WDR48: variants seen among roughly 807,000 people sequenced by gnomAD.
WDR48 encodes the protein WD repeat domain 48.
A neutral mutation model predicts 94.0 loss-of-function variants in WDR48; 22 were observed. The observed-to-expected ratio is 0.23, with a 90% CI of 0.17 to 0.33. The LOEUF is 0.33. WDR48 is among the 10% of genes least tolerant of loss of function. WDR48 has a pLI of 1.00. For synonymous variants in WDR48, 278 were observed against 280.5 expected (o/e 0.99, Z 0.09); for missense variants, 541 against 813.8 (o/e 0.66, Z 4.08).
intron 8 of WDR48, among the ~76,000 whole-genome samples, 189 bp from the exon 9 acceptor site, chr3:39,076,950 G>C (rs1191079302): frequency 1.3e-5 from 2 of 152,020 alleles, no homozygotes; most frequent in Non-Finnish European, 2.9e-5. Context: ...CACTTTTATA[G>C]GGCTATGAAT....
intron 1 of WDR48, chr3:39,052,360 G>A (rs981478800): frequency 2.7e-5 from 11 of 407,924 alleles, no homozygotes; most frequent in Non-Finnish European, 4.5e-5. Context: ...GCGGGGTCGG[G>A]ATAGGCTCGT....
intron 10 of WDR48, among the ~76,000 whole-genome samples, chr3:39,079,369 A>G (rs1449595455): frequency 6.6e-6 from 1 of 152,252 alleles, no homozygotes; most frequent in African/African-American, 2.4e-5. Flanking sequence ...AAATGAGACT[A>G]ATACAGAGAC....
chr3:39,068,881 TATTTA>T lies in WDR48; in HGVS notation c.570+24_570+28del, dbSNP rs1559606627. 3 of 1,518,666 alleles carry T rather than the reference TATTTA, an allele frequency of 2.0e-6. No homozygotes were observed. The South Asian group carries it at 3.9e-5, about 20-fold the overall frequency. The allele number at this position is 1,518,666 out of a possible 1,614,324, so 94.1% of individuals were successfully genotyped here. ...AAAGGTAAGGAGGAGCTTATTTCTT[TATTTA>T]AAAAAAAAAATTATTTTTCACATAC... On this transcript the variant is annotated intron_variant, in intron 6 of 18. Coordinates refer to ENST00000302313, the MANE Select transcript of WDR48 (RefSeq NM_020839.4).
chr3:39,081,404 A>G (rs568537040), intron 11 of WDR48, among the ~76,000 whole-genome samples: 1 of 152,320 alleles, frequency 6.6e-6, no homozygotes, highest in South Asian at 2.1e-4. Context: ...TTTGGTGAGC[A>G]TTGCTTCAGA....
chr3:39,090,654 T>A (rs182478809), intron 16 of WDR48: 2 of 152,324 alleles, frequency 1.3e-5, no homozygotes, highest in East Asian at 3.9e-4. Context: ...TTATTGAAAA[T>A]CTGTCCTTTT....
chr3:39,083,940 C>T lies in WDR48; in HGVS notation c.1174-215C>T, dbSNP rs142716210. Among the ~76,000 whole-genome samples the T allele has an allele frequency of 8.8e-4, 134 of 152,312 alleles. 1 individual carries two copies. Among genetic ancestry groups the T allele is most frequent in the African/African-American group, 3.2e-3 (132 of 41,576 alleles). On this transcript the variant is annotated intron_variant, in intron 11 of 18. Transcript: ENST00000302313. ...ATATCAATATCAGCACAATTAAATA[C>T]AGTTTCTTCCCAAATACTATTTTGT... is the stretch of plus-strand genomic sequence containing the variant.
intron 1 of WDR48, among the ~76,000 whole-genome samples, chr3:39,053,391 G>T (rs188901144): frequency 6.6e-6 from 1 of 152,334 alleles, no homozygotes; most frequent in African/African-American, 2.4e-5. Context: ...TGATCTCACT[G>T]ATCAGTACAG....
intron 1 of WDR48, among the ~76,000 whole-genome samples, chr3:39,056,041 A>T (rs1258898107): frequency 6.6e-6 from 1 of 152,178 alleles, no homozygotes; most frequent in African/African-American, 2.4e-5. Context: ...GACATTTTAA[A>T]TTTTTTCTCT....
intron 8 of WDR48, among the ~76,000 whole-genome samples, chr3:39,075,869 T>G (rs2034198191): frequency 6.6e-6 from 1 of 152,026 alleles, no homozygotes; most frequent in South Asian, 2.1e-4. Flanking sequence ...AATTTTTTTT[T>G]GTTTTTTTAG....
At chr3:39,069,441 T>A (rs2033801984) in intron 6 of WDR48, among the ~76,000 whole-genome samples, 1 of 152,204 alleles carries the variant, frequency 6.6e-6, no homozygotes, top group South Asian at 2.1e-4. Flanking sequence ...GTGTGTATAG[T>A]GACAAGATAA....
chr3:39,093,166 G>A (rs1393092370), intron 17 of WDR48, among the ~76,000 whole-genome samples: 1 of 152,160 alleles, frequency 6.6e-6, no homozygotes, highest in Non-Finnish European at 1.5e-5. Context: ...TCTAGACTCA[G>A]GCATTGTCTG....
chr3:39,095,006 AGACT>A lies in WDR48; in HGVS notation c.*267_*270del. The stretch of plus-strand genomic sequence containing the variant: ...GACTATGTCTTTCAAGATGTACAGA[AGACT>A]GACAACAGGCCAGTGCAGACTTTGC... On this transcript the variant is annotated 3_prime_UTR_variant, in exon 19 of 19. Coordinates refer to ENST00000302313, the MANE Select transcript of WDR48 (RefSeq NM_020839.4). The A allele has an allele frequency of 2.0e-6, 1 of 508,068 alleles. No individual in the cohort carries two copies. The highest frequency in any genetic ancestry group is 2.9e-5 in the South Asian group (1 of 34,890). 31.5% of individuals were successfully genotyped at this position (508,068 alleles called of 1,614,324 possible). A position where few individuals can be genotyped will look rare whatever the true frequency, so the allele number is the denominator to read the frequency against.
At chr3:39,062,942 A>G (rs564751796) in intron 1 of WDR48, 108 bp from the exon 2 acceptor site, 6 of 1,390,400 alleles carry the variant, frequency 4.3e-6, no homozygotes, top group East Asian at 2.3e-5. Context: ...GAAAAAGTAC[A>G]TATTGGAAAA....
intron 11 of WDR48, among the ~76,000 whole-genome samples, chr3:39,083,335 ATT>A (rs1338521338): frequency 6.6e-6 from 1 of 152,104 alleles, no homozygotes; most frequent in African/African-American, 2.4e-5. Flanking sequence ...TTGTTTGGAT[ATT>A]TGGGTATTTT....
intron 18 of WDR48, chr3:39,094,419 G>T (rs2035236602): frequency 2.0e-6 from 3 of 1,523,994 alleles, no homozygotes; most frequent in Non-Finnish European, 2.6e-6. Flanking sequence ...TATCCTCAGA[G>T]GAATGGCTGA....
In WDR48 at chr3:39,088,510, C is replaced by T. The variant is rs183752451; in HGVS notation, c.1580+277C>T. Among the ~76,000 whole-genome samples, 332 of 152,288 alleles carry T rather than the reference C, an allele frequency of 2.2e-3. 2 individuals are homozygous for T. Among genetic ancestry groups the T allele is most frequent in the Non-Finnish European group, 3.3e-3 (225 of 68,024 alleles). On this transcript the variant is annotated intron_variant, in intron 15 of 18. Transcript: ENST00000302313. Reference sequence around the variant, plus strand: ...GTTTCTGTAGGTAATTCTCACTTTCCTTCACTTTGCCCGTGTGACTGCAAG... The same window carrying T: ...GTTTCTGTAGGTAATTCTCACTTTCTTTCACTTTGCCCGTGTGACTGCAAG...
At chr3:39,065,731 GA>G in intron 2 of WDR48, 79 bp from the exon 3 acceptor site, 1 of 1,099,566 alleles carries the variant, frequency 9.1e-7, no homozygotes, top group Non-Finnish European at 1.3e-6. Flanking sequence ...CACATTAATT[GA>G]AGAATTTAAC....
At position 39,096,075 on chromosome 3, in the gene WDR48, T is replaced by G. The variant is rs1004009068; in HGVS notation, c.*1332T>G. ...GGGAACGTTTTTTCTTTTCTACATC[T>G]TCACAGGTTCGGCTGGGGGCAGCTG... On this transcript the variant is annotated 3_prime_UTR_variant, in exon 19 of 19. Transcript: ENST00000302313. The G allele has an allele frequency of 2.0e-5, 3 of 152,656 alleles. No homozygotes were observed. The highest frequency in any genetic ancestry group is 6.5e-5 in the Admixed American group (1 of 15,286). 9.5% of individuals were successfully genotyped at this position (152,656 alleles called of 1,614,324 possible). A position where few individuals can be genotyped will look rare whatever the true frequency, so the allele number is the denominator to read the frequency against.
intron 8 of WDR48, among the ~76,000 whole-genome samples, chr3:39,075,202 T>TC (rs1282369488): frequency 6.6e-6 from 1 of 150,472 alleles, no homozygotes; most frequent in East Asian, 1.9e-4. Context: ...TTTTTTTTTT[T>TC]TTTTTTTTTT....
Sources: allele counts gnomAD v4.1 joint callset (sites outside exome capture counted in the v4.1 genomes callset), GRCh38; gene constraint gnomAD v4.1.1; transcripts MANE v1.5; gene names NCBI Gene and HGNC (gene_info 2026-07-23, HGNC 2026-07-21).